Variants in PRMT8 observed in about 807,000 individuals in gnomAD.
PRMT8 encodes the protein protein arginine methyltransferase 8, also known as protein arginine N-methyltransferase 8.
PRMT8 carries 7 observed loss-of-function variants against 47.1 expected under a neutral mutation model. That is an observed-to-expected ratio of 0.15 (90% CI 0.08 to 0.28). PRMT8 has a LOEUF of 0.28. Among genes scored for constraint, PRMT8 ranks in the 10% least tolerant of loss-of-function variants. The pLI is 1.00. For synonymous variants in PRMT8, 188 were observed against 186.5 expected, an observed-to-expected ratio of 1.01 and a Z score of -0.07; for missense variants, 237 against 505.4, an observed-to-expected ratio of 0.47 and a Z score of 5.09.
Position 3,552,766 on chromosome 12 carries a change from G to A in PRMT8, c.418-885G>A, listed in dbSNP as rs748509256. ...AGAAACTCCCTCAGTGCCCCTTTGC[G>A]AGTACTTCTCAAGGGAATGGTCCCT... On this transcript the variant is annotated intron_variant, in intron 3 of 9. Coordinates refer to ENST00000382622, the MANE Select transcript of PRMT8 (RefSeq NM_019854.5). The surrounding 1 kb of genome is among the most constrained non-coding windows in gnomAD (Gnocchi z 4.5). The A allele has an allele frequency of 1.5e-5, 7 of 477,858 alleles. No individual in the cohort carries two copies. Among genetic ancestry groups the A allele is most frequent in the South Asian group, 4.6e-5 (3 of 65,776 alleles). The allele number at this position is 477,858 out of a possible 1,614,324, so 29.6% of individuals were successfully genotyped here.
chr12:3,407,464 A>G (rs1459272762), intron 1 of PRMT8, among the ~76,000 whole-genome samples: 1 of 151,654 alleles, frequency 6.6e-6, no homozygotes, highest in Non-Finnish European at 1.5e-5. Context: ...TCTCCTGAGA[A>G]CTCTGTTGAT....
chr12:3,406,286 C>T (rs1864372174), intron 1 of PRMT8, among the ~76,000 whole-genome samples: 1 of 152,246 alleles, frequency 6.6e-6, no homozygotes, highest in South Asian at 2.1e-4. Flanking sequence ...TTTTTCCCTC[C>T]TTGGCCTCTT....
rs1378346075 is a variant in PRMT8, at chr12:3,453,096, A to ACTTGTAGGC, written c.48+71656_48+71657insTGTAGGCCT. On this transcript the variant is annotated intron_variant, in intron 1 of 9. Coordinates refer to the PRMT8 transcript ENST00000452611. This position sits in a 1 kb window ranked among gnomAD's most constrained non-coding sequence, Gnocchi z 4.9. Reference sequence around the variant, plus strand: ...ATGAAATGAGGGATGCACAGAGGACACTGCACGGGGAATCAGGTAGGCTGG... The same window carrying ACTTGTAGGC: ...ATGAAATGAGGGATGCACAGAGGACACTTGTAGGCCTGCACGGGGAATCAGGTAGGCTGG... 2.6e-5 allele frequency among the ~76,000 whole-genome samples: 4 copies of ACTTGTAGGC among 152,170 alleles called. No individual in the cohort carries two copies. The highest frequency in any genetic ancestry group is 4.4e-5 in the Non-Finnish European group (3 of 68,022).
chr12:3,413,635 G>T (rs1282760154), intron 1 of PRMT8, among the ~76,000 whole-genome samples: 2 of 152,104 alleles, frequency 1.3e-5, no homozygotes, highest in Non-Finnish European at 2.9e-5. Context: ...GTGCCACAAT[G>T]TTACAATGGC....
chr12:3,396,916 T>C (rs967482543), intron 1 of PRMT8, among the ~76,000 whole-genome samples: 1 of 151,916 alleles, frequency 6.6e-6, no homozygotes, highest in Non-Finnish European at 1.5e-5. Flanking sequence ...TCATTTCTTT[T>C]TATTCTTTTT....
At chr12:3,490,553 G>C (rs942817241), upstream of PRMT8, among the ~76,000 whole-genome samples, 93 of 150,366 alleles carry the variant, frequency 6.2e-4, 2 homozygotes, top group Non-Finnish European at 1.2e-3. Context: ...GAGTGGGGGG[G>C]GGGGCACTGC....
chr12:3,509,209 G>A (rs944124101), intron 1 of PRMT8, among the ~76,000 whole-genome samples: 5 of 152,230 alleles, frequency 3.3e-5, no homozygotes, highest in African/African-American at 1.2e-4. Flanking sequence ...GGGCTCAGGA[G>A]CCCCTGTGTA....
chr12:3,540,619 C>CCGCG lies in PRMT8; in HGVS notation c.90_91insGCGC (p.Ser31AlafsTer12). On this transcript the variant is annotated frameshift_variant, in exon 2 of 10. Transcript: ENST00000382622. LOFTEE classifies it high-confidence loss of function. ...TCTTCCCCTCAGGTGAACAGCCCCCCCTCCCAGCCCCCCCAGCCCGTCGTC... is the reference window on the plus strand; with the variant it reads ...TCTTCCCCTCAGGTGAACAGCCCCCCCGCGCTCCCAGCCCCCCCAGCCCGTCGTC... The CCGCG allele has an allele frequency of 2.6e-6, 3 of 1,174,308 alleles. No individual in the cohort carries two copies. The highest frequency in any genetic ancestry group is 1.5e-5 in the African/African-American group (1 of 65,950). 72.7% of individuals were successfully genotyped at this position (1,174,308 alleles called of 1,614,324 possible). A position where few individuals can be genotyped will look rare whatever the true frequency, so the allele number is the denominator to read the frequency against.
At chr12:3,389,483 A>G (rs1172792253) in intron 1 of PRMT8, among the ~76,000 whole-genome samples, 1 of 151,262 alleles carries the variant, frequency 6.6e-6, no homozygotes, top group Non-Finnish European at 1.5e-5. Flanking sequence ...TCCTTCCTTC[A>G]CTGGGTTGTT....
chr12:3,410,219 T>C (rs1016777215), intron 1 of PRMT8, among the ~76,000 whole-genome samples: 7 of 152,174 alleles, frequency 4.6e-5, no homozygotes, highest in African/African-American at 1.7e-4. Context: ...CAAACCATGT[T>C]TTTTAGGTTT....
At chr12:3,476,612 A>G (rs1051382935) in intron 1 of PRMT8, among the ~76,000 whole-genome samples, 2 of 152,168 alleles carry the variant, frequency 1.3e-5, no homozygotes, top group East Asian at 1.9e-4. Flanking sequence ...CGCTCTGCAG[A>G]AAGGTCATGA....
At chr12:3,541,302 A>G (rs1404679596) in intron 2 of PRMT8, among the ~76,000 whole-genome samples, 1 of 152,174 alleles carries the variant, frequency 6.6e-6, no homozygotes, top group African/African-American at 2.4e-5. Context: ...GGAAATTCTT[A>G]TGTCTAAATG....
intron 1 of PRMT8, among the ~76,000 whole-genome samples, chr12:3,386,219 G>A (rs546048880): frequency 2.0e-5 from 3 of 152,280 alleles, no homozygotes; most frequent in African/African-American, 7.2e-5. Flanking sequence ...CATGGTGTAT[G>A]CTCAATAATG....
chr12:3,514,210 C>CTTT lies in PRMT8; in HGVS notation c.75+22510_75+22511insTTT. On this transcript the variant is annotated intron_variant, in intron 1 of 9. Transcript: ENST00000382622. The surrounding 1 kb of genome is among the most constrained non-coding windows in gnomAD (Gnocchi z 5.9). ...TTCTAGCCTCTCTGAATTCATCCTGCCTTTTTTTTTTTTTTCTGTTACCCC... is the reference window on the plus strand; with the variant it reads ...TTCTAGCCTCTCTGAATTCATCCTGCTTTCTTTTTTTTTTTTTTCTGTTACCCC... 7.0e-6 allele frequency among the ~76,000 whole-genome samples: 1 copy of CTTT among 142,388 alleles called. No homozygotes were observed. Among genetic ancestry groups the CTTT allele is most frequent in the African/African-American group, 2.7e-5 (1 of 37,052 alleles). 93.4% of individuals were successfully genotyped at this position (142,388 alleles called of 152,430 possible). A position where few individuals can be genotyped will look rare whatever the true frequency, so the allele number is the denominator to read the frequency against.
chr12:3,496,215 T>TATATATATATATATATATA lies in PRMT8; in HGVS notation c.75+4515_75+4516insATATATATATATATATATA, dbSNP rs1555085719. ...TTGGAAACTGATATATATATATATA[T>TATATATATATATATATATA]TTTTTTTTTTTTTTTTTTTTTTTTT... On this transcript the variant is annotated intron_variant, in intron 1 of 9. Coordinates refer to ENST00000382622, the MANE Select transcript of PRMT8 (RefSeq NM_019854.5). Among the ~76,000 whole-genome samples the TATATATATATATATATATA allele has an allele frequency of 9.5e-3, 229 of 23,986 alleles. 3 individuals carry two copies. The highest frequency in any genetic ancestry group is 0.023 in the Middle Eastern group (1 of 44). The allele number at this position is 23,986 out of a possible 152,430, so 15.7% of individuals were successfully genotyped here. A position where few individuals can be genotyped will look rare whatever the true frequency, so the allele number is the denominator to read the frequency against.
At chr12:3,393,127 G>C (rs1478945451) in intron 1 of PRMT8, among the ~76,000 whole-genome samples, 1 of 152,146 alleles carries the variant, frequency 6.6e-6, no homozygotes, top group Non-Finnish European at 1.5e-5. Flanking sequence ...TTTGTCAGAT[G>C]AATAGGTTGT....
intron 1 of PRMT8, among the ~76,000 whole-genome samples, chr12:3,404,838 G>C (rs1255555610): frequency 6.6e-6 from 1 of 152,136 alleles, no homozygotes; most frequent in Non-Finnish European, 1.5e-5. Flanking sequence ...CATGCATATA[G>C]ATTTATAATT....
intron 1 of PRMT8, among the ~76,000 whole-genome samples, chr12:3,403,599 G>A (rs1307955067): frequency 6.6e-6 from 1 of 152,016 alleles, no homozygotes; most frequent in Non-Finnish European, 1.5e-5. Context: ...CAGTCTTTAG[G>A]ATGAGTGCGG....
In PRMT8 at chr12:3,420,465, G is replaced by A. The variant is rs138932844; in HGVS notation, c.48+39023G>A. 3.2e-4 allele frequency among the ~76,000 whole-genome samples: 48 copies of A among 152,288 alleles called. 1 individual carries two copies. In the East Asian group the frequency reaches 6.0e-3, roughly 19 times the overall value. ...GACCCCCTTTGTATGAGCCTCCATG[G>A]TGGGAGTGGACTGTTTCCCACTGAG... On this transcript the variant is annotated intron_variant, in intron 1 of 9. Coordinates refer to the PRMT8 transcript ENST00000452611.
Sources: gnomAD v4.1 joint callset for allele counts (sites outside exome capture counted in the v4.1 genomes callset) on GRCh38, gnomAD v4.1.1 for gene constraint, Gnocchi (gnomAD v3.1) non-coding constraint, MANE v1.5 for transcripts, NCBI Gene and HGNC (gene_info 2026-07-23, HGNC 2026-07-21) for gene names.